Variants in WNT5A observed in about 807,000 individuals in gnomAD.
The protein encoded by WNT5A is Wnt family member 5A, also known as protein Wnt-5a.
WNT5A carries 9 observed loss-of-function variants against 42.1 expected under a neutral mutation model. That is an observed-to-expected ratio of 0.21 (90% CI 0.13 to 0.37). WNT5A has a LOEUF of 0.37. Among genes scored for constraint, WNT5A ranks in the 10% least tolerant of loss-of-function variants. The pLI is 1.00. For missense variants in WNT5A, 426 were observed against 534.0 expected, an observed-to-expected ratio of 0.80 and a Z score of 1.99; for synonymous variants, 210 against 210.0, an observed-to-expected ratio of 1.00 and a Z score of 0.00.
chr3:55,486,094 T>A (rs911998026), intron 1 of WNT5A, among the ~76,000 whole-genome samples: 2 of 152,230 alleles, frequency 1.3e-5, no homozygotes, highest in African/African-American at 4.8e-5. Flanking sequence ...GAGTGTGTGA[T>A]TCGGCTTTAA....
the WNT5A span, among the ~76,000 whole-genome samples, chr3:55,501,327 CTAAAAAA>C: frequency 3.9e-5 from 6 of 152,158 alleles, no homozygotes; most frequent in Admixed American, 3.3e-4. Context: ...AAAGTATTGG[CTAAAAAA>C]TAAAAAATGC....
At position 55,469,866 on chromosome 3, in the gene WNT5A, C is replaced by A. The variant is rs1385036913; in HGVS notation, c.*226G>T. 2.0e-6 allele frequency: 1 copy of A among 491,772 alleles called. No homozygotes were observed. Among genetic ancestry groups the A allele is most frequent in the Non-Finnish European group, 3.5e-6 (1 of 283,218 alleles). 30.5% of individuals were successfully genotyped at this position (491,772 alleles called of 1,614,324 possible). A position where few individuals can be genotyped will look rare whatever the true frequency, so the allele number is the denominator to read the frequency against. ...CTTGTATTACCTTTTCAAAGATCCA[C>A]AAAATAAATATTTTTCTTGGTTCCC... On this transcript the variant is annotated 3_prime_UTR_variant, in exon 5 of 5. Transcript: ENST00000264634.
At position 55,480,770 on chromosome 3, in the gene WNT5A, A is replaced by G; in HGVS notation, c.140+15T>C. 1 of 1,536,470 alleles carries G rather than the reference A, an allele frequency of 6.5e-7. No homozygotes were observed. Among genetic ancestry groups the G allele is most frequent in the Non-Finnish European group, 8.8e-7 (1 of 1,142,726 alleles). On this transcript the variant is annotated intron_variant, in intron 2 of 4. Transcript: ENST00000264634. ...GAAAAAGAAGAGGAAGAACACGCAC[A>G]TAGAATGAACTTACCACCAAGAATT...
chr3:55,484,422 G>A (rs1200491244), intron 1 of WNT5A, among the ~76,000 whole-genome samples: 1 of 152,154 alleles, frequency 6.6e-6, no homozygotes, highest in Non-Finnish European at 1.5e-5. Flanking sequence ...ACGCCTGGGC[G>A]CAAGGGTTGT....
chr3:55,487,899 C>T (rs2051605827), upstream of WNT5A: 1 of 152,242 alleles, frequency 6.6e-6, no homozygotes, highest in Non-Finnish European at 1.5e-5. Context: ...AGGGGTGCGA[C>T]TAACCCAGGG....
At chr3:55,479,815 CT>C (rs1412324838) in intron 2 of WNT5A, among the ~76,000 whole-genome samples, 7 of 152,220 alleles carry the variant, frequency 4.6e-5, no homozygotes, top group Non-Finnish European at 1.0e-4. Flanking sequence ...TTCCTAGCCC[CT>C]GTCACCATAT....
rs767555957 is a variant in WNT5A at position 55,470,592 on chromosome 3, G to A, written c.685-42C>T. 4.1e-5 allele frequency: 59 copies of A among 1,456,478 alleles called. No homozygotes were observed. The South Asian group carries it at 7.9e-4, about 20-fold the overall frequency. The allele number at this position is 1,456,478 out of a possible 1,614,324, so 90.2% of individuals were successfully genotyped here. ...GCAATCAATACACACATTCATGGAG[G>A]AGCCAGATGCAGGCTATAGGAACAA... On this transcript the variant is annotated intron_variant, in intron 4 of 4. Coordinates refer to ENST00000264634, the MANE Select transcript of WNT5A (RefSeq NM_003392.7).
At chr3:55,498,593 T>A in the WNT5A span, among the ~76,000 whole-genome samples, 1 of 152,224 alleles carries the variant, frequency 6.6e-6, no homozygotes, top group African/African-American at 2.4e-5. Flanking sequence ...CAATTCTTTC[T>A]TCTGCTGTTA....
chr3:55,499,096 G>T, the WNT5A span, among the ~76,000 whole-genome samples: 4 of 152,318 alleles, frequency 2.6e-5, no homozygotes, highest in South Asian at 8.3e-4. Flanking sequence ...ATGCTTGGTT[G>T]TTTTAGGAAA....
intron 1 of WNT5A, among the ~76,000 whole-genome samples, chr3:55,486,209 T>C (rs1212636574): frequency 6.6e-6 from 1 of 152,100 alleles, no homozygotes; most frequent in Non-Finnish European, 1.5e-5. Flanking sequence ...CGGACTCCGC[T>C]CAGGGGGCCG....
chr3:55,484,446 T>C (rs1024866838), intron 1 of WNT5A, among the ~76,000 whole-genome samples: 7 of 152,116 alleles, frequency 4.6e-5, no homozygotes, highest in African/African-American at 1.4e-4. Flanking sequence ...CACAGCAATA[T>C]GTGTGTTGGC....
chr3:55,487,987 CAGGGCGA>C (rs1373253352), upstream of WNT5A: 1 of 152,212 alleles, frequency 6.6e-6, no homozygotes, highest in African/African-American at 2.4e-5. Flanking sequence ...CCCGTTTTTC[CAGGGCGA>C]AGGGCGAAGA....
chr3:55,484,350 C>T (rs981016887), intron 1 of WNT5A, among the ~76,000 whole-genome samples: 1 of 152,124 alleles, frequency 6.6e-6, no homozygotes, highest in African/African-American at 2.4e-5. Context: ...ATGGGCCGGC[C>T]CAGGCGGGTA....
rs775210292 is a variant in WNT5A, at chr3:55,479,519, A to G, written c.186T>C (p.Ile62=). 1 of 1,613,744 alleles carries G rather than the reference A, an allele frequency of 6.2e-7. No homozygotes were observed. The highest frequency in any genetic ancestry group is 8.5e-7 in the Non-Finnish European group (1 of 1,179,728). ...GGCTGCAGAGAGGCTGTGCTCCTATAATATATACTTCTGACATCTGAACAG... is the reference window on the plus strand; with the variant it reads ...GGCTGCAGAGAGGCTGTGCTCCTATGATATATACTTCTGACATCTGAACAG... The part of the protein sequence containing the change: ...NNPVQMSEVY[I]IGAQPLCSQL... Residue 62 remains isoleucine, a synonymous_variant, in exon 3 of 5, where the codon ATT becomes ATC. Transcript: ENST00000264634.
At chr3:55,478,279 G>A (rs888763195) in intron 3 of WNT5A, among the ~76,000 whole-genome samples, 3 of 151,276 alleles carry the variant, frequency 2.0e-5, no homozygotes, top group African/African-American at 7.3e-5. Context: ...ACTCTTTTTT[G>A]TTCTCAATGA....
At chr3:55,499,806 C>T in the WNT5A span, among the ~76,000 whole-genome samples, 1 of 151,986 alleles carries the variant, frequency 6.6e-6, no homozygotes, top group Non-Finnish European at 1.5e-5. Context: ...GAAACCCCAT[C>T]TCTATTAAAA....
the WNT5A span, among the ~76,000 whole-genome samples, chr3:55,504,340 C>G: frequency 3.3e-5 from 5 of 151,800 alleles, no homozygotes; most frequent in Non-Finnish European, 7.4e-5. Flanking sequence ...TGCCTGCCCC[C>G]AAAAAACAAA....
At chr3:55,474,221 C>A (rs1230485854) in intron 4 of WNT5A, 116 bp downstream of exon 4, 11 of 1,298,326 alleles carry the variant, frequency 8.5e-6, no homozygotes, top group South Asian at 4.0e-5. Context: ...AGAGACAGGA[C>A]CATATAGCAA....
chr3:55,486,112 C>G (rs1380821136), intron 1 of WNT5A, among the ~76,000 whole-genome samples: 1 of 152,214 alleles, frequency 6.6e-6, no homozygotes, highest in Non-Finnish European at 1.5e-5. Flanking sequence ...TAACATACAA[C>G]TGACAATTAA....
Sources: gnomAD v4.1 joint callset for allele counts (sites outside exome capture counted in the v4.1 genomes callset) on GRCh38, gnomAD v4.1.1 for gene constraint, MANE v1.5 for transcripts, NCBI Gene and HGNC (gene_info 2026-07-23, HGNC 2026-07-21) for gene names.